TIA1: variants seen among roughly 807,000 people sequenced by gnomAD.
The protein encoded by TIA1 is TIA1 cytotoxic granule associated RNA binding protein.
In TIA1, 23 loss-of-function variants were observed where a neutral mutation model predicts 65.9. The observed-to-expected ratio is 0.35, with a 90% CI of 0.25 to 0.49. The LOEUF (loss-of-function observed/expected upper bound fraction) is 0.49, where lower values mean the gene tolerates loss of function less well. TIA1 is among the 20% of genes least tolerant of loss of function. The pLI is 0.98. For missense variants in TIA1, 371 were observed against 477.9 expected, an observed-to-expected ratio of 0.78 and a Z score of 2.09; for synonymous variants, 147 against 149.4, an observed-to-expected ratio of 0.98 and a Z score of 0.12.
chr2:70,220,811 A>G (rs901016202), intron 7 of TIA1, among the ~76,000 whole-genome samples: 4 of 151,816 alleles, frequency 2.6e-5, no homozygotes, highest in African/African-American at 9.7e-5. Context: ...TGAGAATTAT[A>G]GCCAAGAAAT....
chr2:70,238,024 G>C (rs189672535), intron 1 of TIA1, among the ~76,000 whole-genome samples: 4 of 151,714 alleles, frequency 2.6e-5, no homozygotes, highest in Middle Eastern at 3.4e-3. Flanking sequence ...AGCTGGGCGT[G>C]GTGGTGGGCG....
intron 1 of TIA1, among the ~76,000 whole-genome samples, chr2:70,247,754 T>C (rs775113800): frequency 1.3e-5 from 2 of 152,284 alleles, no homozygotes; most frequent in Admixed American, 1.3e-4. Context: ...TCAATTGATA[T>C]ATTCCTTCTG....
chr2:70,219,623 A>C (rs763247670), intron 7 of TIA1, among the ~76,000 whole-genome samples: 1 of 151,866 alleles, frequency 6.6e-6, no homozygotes, highest in Non-Finnish European at 1.5e-5. Flanking sequence ...AGCATGCACC[A>C]ACAAGGTTGG....
At chr2:70,222,509 G>C (rs370366247) in intron 7 of TIA1, among the ~76,000 whole-genome samples, 3 of 152,178 alleles carry the variant, frequency 2.0e-5, no homozygotes, top group East Asian at 3.8e-4. Context: ...AGAGAGGCTG[G>C]GGGTAATTGC....
At chr2:70,232,863 G>C (rs1558882528) in intron 2 of TIA1, among the ~76,000 whole-genome samples, 2 of 151,092 alleles carry the variant, frequency 1.3e-5, no homozygotes, top group African/African-American at 4.9e-5. Flanking sequence ...GCGAGACTCT[G>C]TCTCAAAAAA....
intron 5 of TIA1, 141 bp from the exon 6 acceptor site, chr2:70,227,963 A>G: frequency 1.9e-6 from 1 of 531,666 alleles, no homozygotes; most frequent in Non-Finnish European, 3.2e-6. Flanking sequence ...CTATATCTAT[A>G]CAAATCCTAC....
chr2:70,224,829 G>A (rs1422196872), intron 6 of TIA1, 200 bp from the exon 7 acceptor site: 65 of 1,339,442 alleles, frequency 4.9e-5, no homozygotes, highest in Non-Finnish European at 3.1e-5. Flanking sequence ...AATAACTTAA[G>A]TATATATGTA....
chr2:70,235,936 A>C (rs559153853), intron 2 of TIA1, 143 bp downstream of exon 2: 10 of 477,872 alleles, frequency 2.1e-5, no homozygotes, highest in African/African-American at 1.8e-4. Context: ...AATATGGTAA[A>C]CTAAGACTAT....
chr2:70,210,921 A>G lies in TIA1; in HGVS notation c.*1798T>C, dbSNP rs1285943643. On this transcript the variant is annotated 3_prime_UTR_variant, in exon 13 of 13. Transcript: ENST00000433529. ...AGTGACTTAATGAAATATCAGCACA[A>G]CTGCATAGAATTGAGCTCCAGAGAA... The G allele has an allele frequency of 2.0e-5, 3 of 152,206 alleles. No individual in the cohort carries two copies. Among genetic ancestry groups the G allele is most frequent in the East Asian group, 3.8e-4 (2 of 5,198 alleles). The allele number at this position is 152,206 out of a possible 1,614,324, so 9.4% of individuals were successfully genotyped here.
chr2:70,211,096 A>G lies in TIA1; in HGVS notation c.*1623T>C, dbSNP rs1676371547. On this transcript the variant is annotated 3_prime_UTR_variant, in exon 13 of 13. Coordinates refer to ENST00000433529, the MANE Select transcript of TIA1 (RefSeq NM_022173.4). ...TTCTGTTTCTAGGTAAAATGCAGGG[A>G]GCTCCCTGAAGGTCTTGAAAACCAT... is the stretch of plus-strand genomic sequence containing the variant. The G allele has an allele frequency of 6.6e-6, 1 of 152,108 alleles. No individual in the cohort carries two copies. Among genetic ancestry groups the G allele is most frequent in the African/African-American group, 2.4e-5 (1 of 41,406 alleles). The allele number at this position is 152,108 out of a possible 1,614,324, so 9.4% of individuals were successfully genotyped here.
chr2:70,228,751 T>C, intron 5 of TIA1: 5 of 1,281,542 alleles, frequency 3.9e-6, no homozygotes, highest in Non-Finnish European at 3.9e-6. Flanking sequence ...CTCAAGCATT[T>C]GGAAGATCTG....
Position 70,227,732 on chromosome 2 carries a change from T to C in TIA1, c.398+3A>G, listed in dbSNP as rs1157656176. ...AGGATTTTATTTATCTTCTGTTACTTACGATATTCTTCCAAATGGTGCAAA... is the reference window on the plus strand; with the variant it reads ...AGGATTTTATTTATCTTCTGTTACTCACGATATTCTTCCAAATGGTGCAAA... On this transcript the variant is annotated splice_donor_region_variant and intron_variant, in intron 6 of 12. Coordinates refer to ENST00000433529, the MANE Select transcript of TIA1 (RefSeq NM_022173.4). 1.3e-6 allele frequency: 2 copies of C among 1,571,074 alleles called. No individual in the cohort carries two copies. The highest frequency in any genetic ancestry group is 1.7e-5 in the Admixed American group (1 of 57,156).
Position 70,230,916 on chromosome 2 carries a change from T to C in TIA1, c.124-62A>G, listed in dbSNP as rs757131292. 3 of 1,361,392 alleles carry C rather than the reference T, an allele frequency of 2.2e-6. No individual in the cohort carries two copies. In the Admixed American group the frequency reaches 6.7e-5, roughly 30 times the overall value. 84.3% of individuals were successfully genotyped at this position (1,361,392 alleles called of 1,614,324 possible). On this transcript the variant is annotated intron_variant, in intron 2 of 12. Coordinates refer to ENST00000433529, the MANE Select transcript of TIA1 (RefSeq NM_022173.4). ...TTATTCACCCATTACCTTAAAATTA[T>C]GTAAAAAAAAAAATCTTAAACCAAG...
intron 1 of TIA1, among the ~76,000 whole-genome samples, chr2:70,247,114 G>A (rs1474025006): frequency 6.6e-6 from 1 of 152,124 alleles, no homozygotes; most frequent in Non-Finnish European, 1.5e-5. Flanking sequence ...TAGTTTTTTA[G>A]GGAGTATTCA....
chr2:70,214,480 T>C lies in TIA1; in HGVS notation c.903A>G (p.Gly301=). The change falls in exon 12 of 13, where the codon GGA becomes GGG. Residue 301 remains glycine, a synonymous_variant. Transcript: ENST00000433529. ...CCCACTGGCCATAAGGTTGGGGATA[T>C]CCAATTTGATTCTGCTATTAAATAA... ...INPVQQQNQI[G]YPQPYGQWGQ... 3.1e-6 allele frequency: 5 copies of C among 1,610,688 alleles called. No individual in the cohort carries two copies. Among genetic ancestry groups the C allele is most frequent in the Non-Finnish European group, 4.2e-6 (5 of 1,179,020 alleles).
chr2:70,240,458 C>T (rs1691154931), intron 1 of TIA1, among the ~76,000 whole-genome samples: 1 of 152,208 alleles, frequency 6.6e-6, no homozygotes, highest in African/African-American at 2.4e-5. Flanking sequence ...GGAGTGGTGG[C>T]ACAAGCCCGC....
chr2:70,235,950 T>C (rs1558908221), intron 2 of TIA1, 129 bp downstream of exon 2: 2 of 507,866 alleles, frequency 3.9e-6, no homozygotes, highest in East Asian at 3.3e-5. Flanking sequence ...AGACTATATT[T>C]AGACTACAGT....
rs192304776 is a variant in TIA1, at chr2:70,232,137, G to A, written c.124-1283C>T. Among the ~76,000 whole-genome samples, 4 of 147,520 alleles carry A rather than the reference G, an allele frequency of 2.7e-5. No individual in the cohort carries two copies. In the East Asian group the frequency reaches 6.0e-4, roughly 22 times the overall value. On this transcript the variant is annotated intron_variant, in intron 2 of 12. Coordinates refer to ENST00000433529, the MANE Select transcript of TIA1 (RefSeq NM_022173.4). ...GAATGGCGTGAACCCAGGAGACGGA[G>A]CTTGCAGTGTGCAGTGAGCCGAGAT...
intron 7 of TIA1, among the ~76,000 whole-genome samples, chr2:70,224,018 A>C (rs1275898710): frequency 6.6e-6 from 1 of 152,090 alleles, no homozygotes; most frequent in Non-Finnish European, 1.5e-5. Flanking sequence ...CCTGGGTTCA[A>C]GTGATCCTCC....
Sources: allele counts gnomAD v4.1 joint callset (sites outside exome capture counted in the v4.1 genomes callset), GRCh38; gene constraint gnomAD v4.1.1; transcripts MANE v1.5; gene names NCBI Gene and HGNC (gene_info 2026-07-23, HGNC 2026-07-21).